The following ZDHHC14 variants were observed in gnomAD, a reference collection of about 807,000 sequenced individuals.
ZDHHC14 encodes palmitoyltransferase ZDHHC14.
In ZDHHC14, 16 loss-of-function variants were observed where a neutral mutation model predicts 47.7. The ratio of observed to expected loss-of-function variants is 0.34; its 90% confidence interval spans 0.23 to 0.51. The LOEUF (loss-of-function observed/expected upper bound fraction) is 0.51. Ranked by LOEUF, ZDHHC14 falls within the 20% of genes least tolerant of loss-of-function variation. The pLI, the probability that ZDHHC14 is intolerant of heterozygous loss-of-function variation, is 0.97. For synonymous variants in ZDHHC14, 293 were observed against 278.9 expected, an observed-to-expected ratio of 1.05 and a Z score of -0.50; for missense variants, 515 against 662.5, an observed-to-expected ratio of 0.78 and a Z score of 2.44.
intron 1 of ZDHHC14, among the ~76,000 whole-genome samples, chr6:157,417,886 G>A (rs1778015284): frequency 6.6e-6 from 1 of 151,662 alleles, no homozygotes; most frequent in Non-Finnish European, 1.5e-5. Context: ...CCCAGGAGGC[G>A]GAGCTTGCAG....
In ZDHHC14 at chr6:157,591,491, G is replaced by A. The variant is rs980575880; in HGVS notation, c.407-1497G>A. On this transcript the variant is annotated intron_variant, in intron 2 of 8. Coordinates refer to ENST00000359775, the MANE Select transcript of ZDHHC14 (RefSeq NM_024630.3). Reference sequence around the variant, plus strand: ...CCTCTCCTCCCTGCTGCCATGTGAAGGACATGTTTGCTTCCCTTTCTGTCA... The same window carrying A: ...CCTCTCCTCCCTGCTGCCATGTGAAAGACATGTTTGCTTCCCTTTCTGTCA... Among the ~76,000 whole-genome samples, 9 of 152,264 alleles carry A rather than the reference G, an allele frequency of 5.9e-5. No homozygotes were observed. In the East Asian group the frequency reaches 1.2e-3, roughly 20 times the overall value.
At chr6:157,402,813 G>A (rs138398420) in intron 1 of ZDHHC14, among the ~76,000 whole-genome samples, 264 of 152,104 alleles carry the variant, frequency 1.7e-3, no homozygotes, top group African/African-American at 6.0e-3. Context: ...TCCAACCTCC[G>A]CCTCCTGGGT....
chr6:157,628,992 G>A (rs889307678), intron 4 of ZDHHC14, among the ~76,000 whole-genome samples: 5 of 152,164 alleles, frequency 3.3e-5, no homozygotes, highest in African/African-American at 9.7e-5. Context: ...AGGTTTTCTT[G>A]CACACAAATC....
intron 1 of ZDHHC14, among the ~76,000 whole-genome samples, chr6:157,433,054 G>A (rs935546300): frequency 5.3e-5 from 8 of 152,278 alleles, no homozygotes; most frequent in African/African-American, 1.9e-4. Flanking sequence ...CCGCCCAAGA[G>A]CGGTGTGCCT....
chr6:157,388,674 C>A lies in ZDHHC14; in HGVS notation c.245+6408C>A, dbSNP rs1030572929. On this transcript the variant is annotated intron_variant, in intron 1 of 8. Transcript: ENST00000359775. ...ATATGAAGGTTAGTCCCATTTCAAA[C>A]TTATTTTTATAAACTGGATGATCTT... Among the ~76,000 whole-genome samples the A allele has an allele frequency of 2.0e-5, 3 of 152,306 alleles. No homozygotes were observed. The South Asian group carries it at 6.2e-4, about 32-fold the overall frequency.
intron 3 of ZDHHC14, among the ~76,000 whole-genome samples, chr6:157,607,460 C>T (rs1446219337): frequency 6.6e-6 from 1 of 152,206 alleles, no homozygotes; most frequent in Non-Finnish European, 1.5e-5. Context: ...TCCTCTTTTC[C>T]TCTCTCAACC....
chr6:157,569,341 GTCTA>G (rs1426379095), intron 2 of ZDHHC14, among the ~76,000 whole-genome samples: 4 of 151,890 alleles, frequency 2.6e-5, no homozygotes, highest in African/African-American at 9.7e-5. Flanking sequence ...ATGATTAGCT[GTCTA>G]TCCTAATTTT....
intron 1 of ZDHHC14, among the ~76,000 whole-genome samples, chr6:157,539,615 G>A (rs973666958): frequency 4.0e-5 from 6 of 151,562 alleles, no homozygotes; most frequent in Admixed American, 6.6e-5. Flanking sequence ...AGGTTCCCCC[G>A]GGGCGTCCAA....
At chr6:157,594,278 C>A (rs1562497553) in intron 3 of ZDHHC14, among the ~76,000 whole-genome samples, 1 of 152,186 alleles carries the variant, frequency 6.6e-6, no homozygotes, top group Non-Finnish European at 1.5e-5. Flanking sequence ...CTCTATCAGG[C>A]CTCGTCTTGG....
intron 8 of ZDHHC14, among the ~76,000 whole-genome samples, chr6:157,661,247 G>C (rs1778331680): frequency 6.6e-6 from 1 of 152,134 alleles, no homozygotes; most frequent in Non-Finnish European, 1.5e-5. Flanking sequence ...TGCTTCCTGT[G>C]TTGTTGGAGA....
chr6:157,450,237 G>T (rs1320244592), intron 1 of ZDHHC14, among the ~76,000 whole-genome samples: 1 of 151,946 alleles, frequency 6.6e-6, no homozygotes, highest in Non-Finnish European at 1.5e-5. Flanking sequence ...GCCTTATCTT[G>T]TGGTGCTTTT....
At chr6:157,622,904 T>C (rs899797891) in intron 3 of ZDHHC14, among the ~76,000 whole-genome samples, 1 of 152,204 alleles carries the variant, frequency 6.6e-6, no homozygotes, top group African/African-American at 2.4e-5. Flanking sequence ...GTCTACTGCA[T>C]GCCAGGCACT....
At chr6:157,383,322 G>A (rs933377608) in intron 1 of ZDHHC14, among the ~76,000 whole-genome samples, 2 of 152,144 alleles carry the variant, frequency 1.3e-5, no homozygotes, top group African/African-American at 2.4e-5. Context: ...TTTATAGGGA[G>A]CTCTTCTTTG....
At chr6:157,385,653 G>C (rs1164754923) in intron 1 of ZDHHC14, among the ~76,000 whole-genome samples, 1 of 152,254 alleles carries the variant, frequency 6.6e-6, no homozygotes, top group Non-Finnish European at 1.5e-5. Context: ...CCTGGAGAAA[G>C]GCAGGGTAGA....
At chr6:157,607,235 T>C (rs1347420459) in intron 3 of ZDHHC14, among the ~76,000 whole-genome samples, 1 of 152,170 alleles carries the variant, frequency 6.6e-6, no homozygotes, top group Non-Finnish European at 1.5e-5. Context: ...CCTGGTTCAC[T>C]CTTGTTGAGG....
At chr6:157,572,548 G>A (rs1411325634) in intron 2 of ZDHHC14, among the ~76,000 whole-genome samples, 1 of 151,754 alleles carries the variant, frequency 6.6e-6, no homozygotes, top group African/African-American at 2.4e-5. Flanking sequence ...CAACGTGCAG[G>A]TTTGTTACAT....
chr6:157,640,296 T>G (rs1172036765), intron 5 of ZDHHC14, among the ~76,000 whole-genome samples: 1 of 152,262 alleles, frequency 6.6e-6, no homozygotes, highest in Non-Finnish European at 1.5e-5. Context: ...AAATGTTGAT[T>G]GATTCTCCAT....
chr6:157,543,984 C>A (rs1781867096), intron 2 of ZDHHC14, among the ~76,000 whole-genome samples: 2 of 152,164 alleles, frequency 1.3e-5, no homozygotes, highest in Admixed American at 1.3e-4. Flanking sequence ...ATCTAAGCCA[C>A]CTAGTAAGGA....
At chr6:157,448,170 G>A (rs780606576) in intron 1 of ZDHHC14, among the ~76,000 whole-genome samples, 37 of 152,088 alleles carry the variant, frequency 2.4e-4, no homozygotes, top group Admixed American at 7.2e-4. Flanking sequence ...GAGCCACCAC[G>A]CCTTGCCTAA....
Sources: allele counts gnomAD v4.1 joint callset (sites outside exome capture counted in the v4.1 genomes callset), GRCh38; gene constraint gnomAD v4.1.1; transcripts MANE v1.5; gene names NCBI Gene and HGNC (gene_info 2026-07-23, HGNC 2026-07-21).